Variants in SUPT3H observed in about 807,000 individuals in gnomAD.
The protein encoded by SUPT3H is SPT3 homolog, SAGA and STAGA complex component.
Under a neutral mutation model 44.3 loss-of-function variants are expected in SUPT3H, and 44 were observed. The observed-to-expected ratio is 0.99, with a 90% confidence interval of 0.78 to 1.28. SUPT3H has a LOEUF of 1.28. Ranked by LOEUF, SUPT3H falls within the 50% of genes most tolerant of loss-of-function variation. The probability of loss-of-function intolerance (pLI) is 0.00; values close to 1 mark genes in which losing one functional copy is unlikely to be tolerated. For missense variants in SUPT3H, 380 were observed against 387.1 expected, an observed-to-expected ratio of 0.98 and a Z score of 0.15; for synonymous variants, 124 against 125.6, an observed-to-expected ratio of 0.99 and a Z score of 0.09.
At chr6:45,214,015 C>CAAAAAAAAAAAAAAAAAAAAA (rs11418358) in intron 2 of SUPT3H, among the ~76,000 whole-genome samples, 9 of 74,100 alleles carry the variant, frequency 1.2e-4, no homozygotes, top group Non-Finnish European at 1.2e-4. Context: ...TTTTGAAATG[C>CAAAAAAAAAAAAAAAAAAAAA]AAAAAAAAAA....
intron 6 of SUPT3H, among the ~76,000 whole-genome samples, chr6:44,973,186 T>C (rs1777841195): frequency 6.6e-6 from 1 of 152,196 alleles, no homozygotes; most frequent in Non-Finnish European, 1.5e-5. Flanking sequence ...GAATACTTTT[T>C]ACAGCACCCA....
intron 2 of SUPT3H, among the ~76,000 whole-genome samples, chr6:45,138,477 A>G (rs1562532675): frequency 1.3e-5 from 2 of 152,200 alleles, no homozygotes; most frequent in African/African-American, 4.8e-5. Context: ...GGTGAATGCG[A>G]TAAAAAAAAT....
intron 10 of SUPT3H, among the ~76,000 whole-genome samples, chr6:44,877,070 C>T (rs1357193566): frequency 6.6e-6 from 1 of 152,098 alleles, no homozygotes; most frequent in Non-Finnish European, 1.5e-5. Context: ...AATATCTTAT[C>T]CTATGTCAAA....
intron 6 of SUPT3H, among the ~76,000 whole-genome samples, chr6:45,001,436 G>A (rs1477292266): frequency 1.3e-5 from 2 of 151,978 alleles, no homozygotes; most frequent in African/African-American, 4.8e-5. Flanking sequence ...AGGCAAAATG[G>A]ATGTAAAAAT....
intron 3 of SUPT3H, among the ~76,000 whole-genome samples, chr6:45,082,281 C>A (rs1289764400): frequency 5.3e-5 from 8 of 152,222 alleles, no homozygotes; most frequent in African/African-American, 1.9e-4. Flanking sequence ...TCCTCCCTAA[C>A]TCATTCTATG....
intron 2 of SUPT3H, among the ~76,000 whole-genome samples, chr6:45,351,462 A>G (rs1388803485): frequency 6.6e-6 from 1 of 152,182 alleles, no homozygotes; most frequent in African/African-American, 2.4e-5. Context: ...ACATAGTAAA[A>G]TGAGGACTTA....
rs1785015009 is a variant in SUPT3H at position 45,020,763 on chromosome 6, C to T, written c.187-131G>A. On this transcript the variant is annotated intron_variant, in intron 3 of 10. Transcript: ENST00000371459. ...GGGAAATAATCCAGCAATCACATTA[C>T]TGCTTTTAAGAGTAAAATGTCTTAT... The T allele has an allele frequency of 1.8e-5, 10 of 551,588 alleles. No individual in the cohort carries two copies. In the South Asian group the frequency reaches 3.6e-4, roughly 20 times the overall value. The allele number at this position is 551,588 out of a possible 1,614,324, so 34.2% of individuals were successfully genotyped here. A position where few individuals can be genotyped will look rare whatever the true frequency, so the allele number is the denominator to read the frequency against.
At chr6:45,116,980 C>T (rs1297234812) in intron 2 of SUPT3H, among the ~76,000 whole-genome samples, 1 of 152,058 alleles carries the variant, frequency 6.6e-6, no homozygotes, top group Non-Finnish European at 1.5e-5. Flanking sequence ...TATTTCTTAT[C>T]ATTTTGGTCT....
At chr6:45,128,454 G>A (rs1289137839) in intron 2 of SUPT3H, among the ~76,000 whole-genome samples, 9 of 128,172 alleles carry the variant, frequency 7.0e-5, no homozygotes, top group Admixed American at 4.3e-4. Flanking sequence ...GCAGTGAGCC[G>A]AGATTGCACC....
In SUPT3H at chr6:44,885,181, C is replaced by G. The variant is rs13213412; in HGVS notation, c.912+47472G>C. 1.5e-4 allele frequency among the ~76,000 whole-genome samples: 23 copies of G among 152,110 alleles called. No individual in the cohort carries two copies. The East Asian group carries it at 4.1e-3, about 27-fold the overall frequency. ...CCTGCCTCTGTAGGCTCCACCTCTG[C>G]GGGCAGGGCACAGACAAACAAAAAG... On this transcript the variant is annotated intron_variant, in intron 10 of 10. Coordinates refer to ENST00000371459, the MANE Select transcript of SUPT3H (RefSeq NM_003599.4).
chr6:45,166,148 C>G (rs1809803066), intron 2 of SUPT3H, among the ~76,000 whole-genome samples: 1 of 152,012 alleles, frequency 6.6e-6, no homozygotes, highest in African/African-American at 2.4e-5. Flanking sequence ...TAAAAATTAG[C>G]TGGAGGTGGT....
intron 2 of SUPT3H, among the ~76,000 whole-genome samples, chr6:45,259,028 A>G (rs1387613719): frequency 6.6e-6 from 1 of 152,188 alleles, no homozygotes; most frequent in African/African-American, 2.4e-5. Context: ...TTCATCAATC[A>G]TATTTTAACC....
intron 4 of SUPT3H, among the ~76,000 whole-genome samples, chr6:45,019,876 A>G (rs187420768): frequency 1.7e-3 from 258 of 152,108 alleles, no homozygotes; most frequent in African/African-American, 6.0e-3. Context: ...ATTTTGTAAT[A>G]TTCTTCATAT....
At chr6:44,914,985 GAC>G (rs904536042) in intron 10 of SUPT3H, among the ~76,000 whole-genome samples, 1 of 152,128 alleles carries the variant, frequency 6.6e-6, no homozygotes, top group African/African-American at 2.4e-5. Flanking sequence ...ATGAGATCTG[GAC>G]TCTTACTACC....
intron 2 of SUPT3H, among the ~76,000 whole-genome samples, chr6:45,156,915 G>T (rs1235556699): frequency 1.3e-5 from 2 of 151,992 alleles, no homozygotes; most frequent in African/African-American, 2.4e-5. Flanking sequence ...AAAAAAAAGT[G>T]AGACTTGGAT....
intron 2 of SUPT3H, among the ~76,000 whole-genome samples, chr6:45,182,259 T>G (rs980551025): frequency 9.9e-5 from 15 of 152,156 alleles, no homozygotes; most frequent in Admixed American, 6.5e-5. Context: ...TTATTTTTAT[T>G]TTTTAGTTAT....
chr6:44,997,919 C>T (rs1188483586), intron 6 of SUPT3H, among the ~76,000 whole-genome samples: 1 of 151,696 alleles, frequency 6.6e-6, no homozygotes, highest in Non-Finnish European at 1.5e-5. Context: ...TTTGACCTAG[C>T]TATTTGATAT....
chr6:45,343,709 TTGA>T (rs1225570100), intron 2 of SUPT3H, among the ~76,000 whole-genome samples: 1 of 152,180 alleles, frequency 6.6e-6, no homozygotes, highest in Non-Finnish European at 1.5e-5. Context: ...GTGAAAAGCC[TTGA>T]TGAAGTTTAA....
chr6:44,815,464 T>C (rs11757193), intron 11 of SUPT3H, among the ~76,000 whole-genome samples: 1 of 152,020 alleles, frequency 6.6e-6, no homozygotes, highest in Non-Finnish European at 1.5e-5. Context: ...AAAGATACTT[T>C]AAATAAAAGT....
Sources: gnomAD v4.1 joint callset for allele counts (sites outside exome capture counted in the v4.1 genomes callset) on GRCh38, gnomAD v4.1.1 for gene constraint, MANE v1.5 for transcripts, NCBI Gene and HGNC (gene_info 2026-07-23, HGNC 2026-07-21) for gene names.